The following SEMA6B variants were observed in gnomAD, a reference collection of about 807,000 sequenced individuals.
The protein encoded by SEMA6B is semaphorin 6B.
A neutral mutation model predicts 78.6 loss-of-function variants in SEMA6B; 47 were observed. The ratio of observed to expected loss-of-function variants is 0.60; its 90% CI spans 0.47 to 0.76. The LOEUF (loss-of-function observed/expected upper bound fraction) is 0.76. Among genes scored for constraint, SEMA6B ranks in the 30% least tolerant of loss-of-function variants. The pLI, the probability that SEMA6B is intolerant of heterozygous loss-of-function variation, is 0.00. For synonymous variants in SEMA6B, 632 were observed against 592.2 expected, an observed-to-expected ratio of 1.07 and a Z score of -0.98; for missense variants, 1,213 against 1,269.9, an observed-to-expected ratio of 0.96 and a Z score of 0.68.
In SEMA6B at chr19:4,550,621, C is replaced by A. The variant is rs1329306069; in HGVS notation, c.1121+178G>T. ...TCAGGTGATCTGCCCACCTCCGCCT[C>A]CCAAAGGGCTAGGATTACAGGCGTG... On this transcript the variant is annotated intron_variant, in intron 11 of 16. Transcript: ENST00000586582. The surrounding 1 kb of genome is among the most constrained non-coding windows in gnomAD (Gnocchi z 6.6). Among the ~76,000 whole-genome samples, 1 of 152,160 alleles carries A rather than the reference C, an allele frequency of 6.6e-6. No individual in the cohort carries two copies. The highest frequency in any genetic ancestry group is 1.9e-4 in the East Asian group (1 of 5,182).
At chr19:4,557,994 C>A in intron 3 of SEMA6B, 32 bp downstream of exon 3, 1 of 1,338,754 alleles carries the variant, frequency 7.5e-7, no homozygotes, top group South Asian at 2.0e-5. Flanking sequence ...TTCTGCTCGT[C>A]ACACAGGCCT....
chr19:4,545,273 G>A (rs1599773010), intron 16 of SEMA6B, among the ~76,000 whole-genome samples: 1 of 151,204 alleles, frequency 6.6e-6, no homozygotes, highest in Non-Finnish European at 1.5e-5. Flanking sequence ...CCCGGGAGGT[G>A]GAGGTTGCAG....
chr19:4,550,791 G>A lies in SEMA6B; in HGVS notation c.1121+8C>T. 1 of 1,613,172 alleles carries A rather than the reference G, an allele frequency of 6.2e-7. No homozygotes were observed. The highest frequency in any genetic ancestry group is 2.2e-5 in the East Asian group (1 of 44,872). ...GGGCATGTGACTCAGGATGGAGGGG[G>A]TTCTCACCGGGGTCGAGGCACCTGA... On this transcript the variant is annotated splice_region_variant and intron_variant, in intron 11 of 16. Transcript: ENST00000586582. The surrounding 1 kb of genome is among the most constrained non-coding windows in gnomAD (Gnocchi z 6.6).
rs759085056 is a variant in SEMA6B at position 4,555,483 on chromosome 19, G to A, written c.553C>T (p.Leu185Phe). ...TTGGGGGGGTACTTACCAGAGAAGA[G>A]GGCAACATTGGCGTGCTTGGGGTCG... ...PYDPKHANVA[L>F]FSDGMLFTAT... The change falls in exon 7 of 17, where the codon CTC (leucine) becomes TTC (phenylalanine). Residue 185 changes from leucine to phenylalanine, a missense_variant. Physicochemically the swap from Leu to Phe is conservative, Grantham distance 22 (BLOSUM62 0). Coordinates refer to ENST00000586582, the MANE Select transcript of SEMA6B (RefSeq NM_032108.4). The surrounding 1 kb of genome is among the most constrained non-coding windows in gnomAD (Gnocchi z 6.1). The A allele has an allele frequency of 2.5e-6, 4 of 1,612,476 alleles. No homozygotes were observed. Among genetic ancestry groups the A allele is most frequent in the South Asian group, 2.2e-5 (2 of 90,902 alleles).
intron 9 of SEMA6B, 90 bp downstream of exon 9, chr19:4,554,298 C>T (rs1467173219): frequency 2.4e-5 from 25 of 1,031,506 alleles, no homozygotes; most frequent in Non-Finnish European, 3.3e-5. Flanking sequence ...GACCCTCTCA[C>T]CCCATGCAGG....
chr19:4,556,730 G>C (rs1239592230), intron 5 of SEMA6B, among the ~76,000 whole-genome samples: 1 of 151,822 alleles, frequency 6.6e-6, no homozygotes, highest in Non-Finnish European at 1.5e-5. Flanking sequence ...TGGCTAGGCT[G>C]GAGGCCGGGC....
Position 4,552,819 on chromosome 19 carries a change from GA to G in SEMA6B, c.772-181del, listed in dbSNP as rs1380105031. Among the ~76,000 whole-genome samples the G allele has an allele frequency of 6.6e-6, 1 of 152,162 alleles. No homozygotes were observed. Among genetic ancestry groups the G allele is most frequent in the African/African-American group, 2.4e-5 (1 of 41,434 alleles). On this transcript the variant is annotated intron_variant, in intron 9 of 16. Transcript: ENST00000586582. The surrounding 1 kb of genome is among the most constrained non-coding windows in gnomAD (Gnocchi z 7.4). ...CTTCCCTGGCAGAAATTCCCGGTGG[GA>G]ATGTCAATGATGATAATAGCAACAG...
intron 9 of SEMA6B, among the ~76,000 whole-genome samples, chr19:4,553,424 ATGGGTGGATGGT>A (rs1977385087): frequency 1.6e-5 from 1 of 62,552 alleles, no homozygotes; most frequent in African/African-American, 7.1e-5. Flanking sequence ...GGTGAGTTGG[ATGGGTGGATGGT>A]TGGATGGGTG....
chr19:4,548,164 C>A lies in SEMA6B; in HGVS notation c.1464G>T (p.Arg488=). The A allele has an allele frequency of 1.3e-6, 2 of 1,590,482 alleles. No individual in the cohort carries two copies. The highest frequency in any genetic ancestry group is 1.1e-5 in the South Asian group (1 of 89,486). Residue 488 remains arginine, a synonymous_variant, in exon 14 of 17, where the codon CGG becomes CGT. Transcript: ENST00000586582. The stretch of plus-strand genomic sequence containing the variant: ...GCTGCCCTGTCTCGCCACCGCCGGG[C>A]CGTCCACACCTGGGGACAAGCAGAG... ...FETYRPDRCG[R]PGGGETGQRL...
Position 4,558,187 on chromosome 19 carries a change from G to T in SEMA6B, c.122-38C>A. ...GTGGAGAGGGGTGTGAGCAAGGGCT[G>T]GGGGTGAAGAGAGGGTGGCCTGAGG... On this transcript the variant is annotated intron_variant, in intron 2 of 16. Coordinates refer to ENST00000586582, the MANE Select transcript of SEMA6B (RefSeq NM_032108.4). The surrounding 1 kb of genome is among the most constrained non-coding windows in gnomAD (Gnocchi z 5.1). The T allele has an allele frequency of 7.2e-7, 1 of 1,397,864 alleles. No individual in the cohort carries two copies. The allele number at this position is 1,397,864 out of a possible 1,614,324, so 86.6% of individuals were successfully genotyped here.
In SEMA6B at chr19:4,554,422, C is replaced by A. The variant is rs370318420; in HGVS notation, c.737G>T (p.Arg246Leu). Residue 246 changes from arginine (R) to leucine (L), a missense_variant, in exon 9 of 17, where the codon CGG becomes CTG. By Grantham distance (102) the Arg-to-Leu change is moderately radical. Transcript: ENST00000586582. ...EWGSHVYFFF[R>L]EIAMEFNYLE... ...GTAGTTAAACTCCATCGCAATCTCC[C>A]GGAAGAAGAAGTAGACATGGCTGCC... The A allele has an allele frequency of 1.9e-6, 3 of 1,613,984 alleles. No individual in the cohort carries two copies. Among genetic ancestry groups the A allele is most frequent in the Non-Finnish European group, 2.5e-6 (3 of 1,179,980 alleles).
Position 4,543,954 on chromosome 19 carries a change from CGTCGGGGGTCGGCTCCCCAGGCG to C in SEMA6B, c.2291_2313del (p.Ala764GlyfsTer252). ...CCGGGCCGGGCAGCATAGAGGCGGC[CGTCGGGGGTCGGCTCCCCAGGCG>C]CGGGGGGCTGCTCGGGGGCCCGGGC... On this transcript the variant is annotated frameshift_variant, in exon 17 of 17. Transcript: ENST00000586582. LOFTEE classifies it high-confidence loss of function. The C allele has an allele frequency of 8.3e-7, 1 of 1,201,800 alleles. No homozygotes were observed. Among genetic ancestry groups the C allele is most frequent in the Non-Finnish European group, 1.0e-6 (1 of 969,046 alleles). 74.4% of individuals were successfully genotyped at this position (1,201,800 alleles called of 1,614,324 possible).
In SEMA6B at chr19:4,552,322, C is replaced by T. The variant is rs1471729354; in HGVS notation, c.989+100G>A. 2.5e-6 allele frequency: 3 copies of T among 1,220,804 alleles called. No individual in the cohort carries two copies. The highest frequency in any genetic ancestry group is 2.3e-6 in the Non-Finnish European group (2 of 876,890). 75.6% of individuals were successfully genotyped at this position (1,220,804 alleles called of 1,614,324 possible). On this transcript the variant is annotated intron_variant, in intron 10 of 16. Transcript: ENST00000586582. The surrounding 1 kb of genome is among the most constrained non-coding windows in gnomAD (Gnocchi z 7.4). ...CTCTCAGAGGTCTAATCCAGTGGTGCCCAACCTAGCACCCAGGGCATACCT... is the reference window on the plus strand; with the variant it reads ...CTCTCAGAGGTCTAATCCAGTGGTGTCCAACCTAGCACCCAGGGCATACCT...
Position 4,559,513 on chromosome 19 carries a change from T to C in SEMA6B, c.-33+17A>G, listed in dbSNP as rs767355412. Reference sequence around the variant, plus strand: ...CCGCCCTCCATGCTGAAGGTCCCAGTTCAGAGCACCCCCTACCAGAAAGGG... The same window carrying C: ...CCGCCCTCCATGCTGAAGGTCCCAGCTCAGAGCACCCCCTACCAGAAAGGG... On this transcript the variant is annotated intron_variant, in intron 1 of 16. Transcript: ENST00000586582. 1 of 152,180 alleles carries C rather than the reference T, an allele frequency of 6.6e-6. No individual in the cohort carries two copies. The highest frequency in any genetic ancestry group is 1.5e-5 in the Non-Finnish European group (1 of 68,060). 9.4% of individuals were successfully genotyped at this position (152,180 alleles called of 1,614,324 possible).
rs766161155 is a variant in SEMA6B at position 4,555,465 on chromosome 19, G to A, written c.562+9C>T. The A allele has an allele frequency of 3.1e-6, 5 of 1,608,234 alleles. No homozygotes were observed. Among genetic ancestry groups the A allele is most frequent in the Non-Finnish European group, 3.4e-6 (4 of 1,176,854 alleles). On this transcript the variant is annotated intron_variant, in intron 7 of 16. Coordinates refer to ENST00000586582, the MANE Select transcript of SEMA6B (RefSeq NM_032108.4). The surrounding 1 kb of genome is among the most constrained non-coding windows in gnomAD (Gnocchi z 6.1). ...GGGCTGATCAGATGGAGGTTGGGGG[G>A]GTACTTACCAGAGAAGAGGGCAACA...
At position 4,543,778 on chromosome 19, in the gene SEMA6B, C is replaced by G; in HGVS notation, c.2490G>C (p.Arg830Ser). Residue 830 changes from arginine to serine, a missense_variant, in exon 17 of 17, where the codon AGG becomes AGC. Arg to Ser is a moderately radical substitution (Grantham distance 110). Coordinates refer to ENST00000586582, the MANE Select transcript of SEMA6B (RefSeq NM_032108.4). ...GAGGGGCGTGGGGGCCCAGTGGCCT[C>G]CTCAGGCTGCCCGTCGGGGGCGGGC... Reference protein sequence around the residue: ...PWSPPPTGSLRRPLGPHAPPA... With the variant: ...PWSPPPTGSLSRPLGPHAPPA... 1 of 1,221,738 alleles carries G rather than the reference C, an allele frequency of 8.2e-7. No individual in the cohort carries two copies. The highest frequency in any genetic ancestry group is 1.0e-6 in the Non-Finnish European group (1 of 982,050). The allele number at this position is 1,221,738 out of a possible 1,614,324, so 75.7% of individuals were successfully genotyped here. A position where few individuals can be genotyped will look rare whatever the true frequency, so the allele number is the denominator to read the frequency against.
intron 10 of SEMA6B, among the ~76,000 whole-genome samples, chr19:4,551,220 CTTT>C (rs550058306): frequency 2.3e-5 from 3 of 132,950 alleles, no homozygotes; most frequent in Non-Finnish European, 3.2e-5. Flanking sequence ...CCCCAGCAGG[CTTT>C]TTTTTTTTTT....
In SEMA6B at chr19:4,554,415, A is replaced by G; in HGVS notation, c.744T>C (p.Ile248=). The G allele has an allele frequency of 6.2e-7, 1 of 1,613,926 alleles. No homozygotes were observed. Among genetic ancestry groups the G allele is most frequent in the Non-Finnish European group, 8.5e-7 (1 of 1,179,954 alleles). ...GSHVYFFFRE[I]AMEFNYLEKV... is the part of the protein sequence containing the mutation. ...TCTCCAGGTAGTTAAACTCCATCGC[A>G]ATCTCCCGGAAGAAGAAGTAGACAT... The change falls in exon 9 of 17, where the codon ATT becomes ATC. Residue 248 remains isoleucine, a synonymous_variant. Transcript: ENST00000586582.
At chr19:4,559,479 T>C (rs989106134) in intron 1 of SEMA6B, 51 bp downstream of exon 1, 2 of 152,068 alleles carry the variant, frequency 1.3e-5, no homozygotes, top group African/African-American at 4.8e-5. Flanking sequence ...GAATTCACCC[T>C]CTGAACCCCC....
Sources: gnomAD v4.1 joint callset for allele counts (sites outside exome capture counted in the v4.1 genomes callset) on GRCh38, gnomAD v4.1.1 for gene constraint, Gnocchi (gnomAD v3.1) non-coding constraint, MANE v1.5 for transcripts, NCBI Gene and HGNC (gene_info 2026-07-23, HGNC 2026-07-21) for gene names.